PDE4C: variants seen among roughly 807,000 people sequenced by gnomAD.
The protein encoded by PDE4C is phosphodiesterase 4C, also known as 3',5'-cyclic-AMP phosphodiesterase 4C.
A neutral mutation model predicts 63.9 loss-of-function variants in PDE4C; 50 were observed. The observed-to-expected ratio is 0.78, with a 90% CI of 0.62 to 0.99. The LOEUF (loss-of-function observed/expected upper bound fraction) is 0.99. Among genes scored for constraint, PDE4C ranks in the 50% least tolerant of loss-of-function variants. The pLI is 0.00. For missense variants in PDE4C, 777 were observed against 899.1 expected, an observed-to-expected ratio of 0.86 and a Z score of 1.74; for synonymous variants, 377 against 385.1, an observed-to-expected ratio of 0.98 and a Z score of 0.25.
intron 1 of PDE4C, among the ~76,000 whole-genome samples, chr19:18,222,691 CTTTCT>C (rs1378362601): frequency 1.1e-5 from 1 of 91,758 alleles, no homozygotes; most frequent in African/African-American, 3.8e-5. Flanking sequence ...CTCTCTCGCC[CTTTCT>C]TTTCTTTTTT....
At chr19:18,222,102 G>A (rs756388957) in intron 2 of PDE4C, 30 bp downstream of exon 2, 11 of 1,570,074 alleles carry the variant, frequency 7.0e-6, no homozygotes, top group Non-Finnish European at 9.6e-6. Context: ...GAGGGTAGAG[G>A]CGGTGTCATC....
upstream of PDE4C, among the ~76,000 whole-genome samples, chr19:18,248,678 G>T (rs536835409): frequency 1.5e-4 from 23 of 152,182 alleles, no homozygotes; most frequent in African/African-American, 5.3e-4. Context: ...GAGCTTGGGG[G>T]CTCCAGGAAA....
chr19:18,220,567 C>A lies in PDE4C; in HGVS notation c.500-52G>T. 4.0e-6 allele frequency: 6 copies of A among 1,493,770 alleles called. No homozygotes were observed. The highest frequency in any genetic ancestry group is 5.5e-6 in the Non-Finnish European group (6 of 1,081,814). The allele number at this position is 1,493,770 out of a possible 1,614,324, so 92.5% of individuals were successfully genotyped here. On this transcript the variant is annotated intron_variant, in intron 5 of 14. Transcript: ENST00000262805. This position sits in a 1 kb window ranked among gnomAD's most constrained non-coding sequence, Gnocchi z 5.1. The stretch of plus-strand genomic sequence containing the variant: ...GCCCAACCCCCCCGCTCAGGGACCC[C>A]ACGCCTCTCGCGACTTCGTCTCTTC...
chr19:18,231,543 G>A (rs1036814686), intron 1 of PDE4C, among the ~76,000 whole-genome samples: 10 of 152,190 alleles, frequency 6.6e-5, no homozygotes, highest in East Asian at 1.9e-4. Flanking sequence ...GGCTGCTGGA[G>A]GGCCAGGCTG....
At chr19:18,241,327 C>T (rs1200851289) in intron 1 of PDE4C, among the ~76,000 whole-genome samples, 2 of 129,468 alleles carry the variant, frequency 1.5e-5, no homozygotes, top group African/African-American at 6.0e-5. Flanking sequence ...AGTGCAGTGG[C>T]GCGATCTCGG....
rs1276869946 is a variant in PDE4C at position 18,233,538 on chromosome 19, G to A, written c.-347C>T. ...GCTGCATGGAAAAGAACCAAGACAA[G>A]GACTTGGAGTGGAGAAGACAGAAAT... On this transcript the variant is annotated 5_prime_UTR_variant, in exon 1 of 15. Transcript: ENST00000594465. The A allele has an allele frequency of 7.2e-6, 4 of 555,896 alleles. No individual in the cohort carries two copies. The East Asian group carries it at 1.3e-4, about 18-fold the overall frequency. The allele number at this position is 555,896 out of a possible 1,614,324, so 34.4% of individuals were successfully genotyped here.
At chr19:18,248,602 G>A (rs1426605104), upstream of PDE4C, among the ~76,000 whole-genome samples, 1 of 151,808 alleles carries the variant, frequency 6.6e-6, no homozygotes, top group Non-Finnish European at 1.5e-5. Flanking sequence ...TGGGAAGGGG[G>A]GGATTTTATC....
chr19:18,213,300 C>T, intron 13 of PDE4C, 68 bp downstream of exon 13: 1 of 1,353,464 alleles, frequency 7.4e-7, no homozygotes, highest in East Asian at 2.7e-5. Context: ...TAAATAAATA[C>T]ATAAATAAAT....
chr19:18,232,678 C>T (rs1968873656), intron 1 of PDE4C, among the ~76,000 whole-genome samples: 1 of 146,520 alleles, frequency 6.8e-6, no homozygotes, highest in Non-Finnish European at 1.5e-5. Flanking sequence ...TCTGGTCACC[C>T]CAGTCTCACG....
At chr19:18,249,700 G>A (rs546058692), upstream of PDE4C, among the ~76,000 whole-genome samples, 1 of 151,388 alleles carries the variant, frequency 6.6e-6, no homozygotes, top group South Asian at 2.1e-4. Flanking sequence ...AGCCTCCTGA[G>A]TAGCTGGGAT....
chr19:18,228,221 C>T (rs1968782799), upstream of PDE4C, among the ~76,000 whole-genome samples: 1 of 151,876 alleles, frequency 6.6e-6, no homozygotes, highest in African/African-American at 2.4e-5. Context: ...TACATGTCCC[C>T]AAGGAGAAAC....
chr19:18,219,296 G>C (rs372274542), exon 8 of PDE4C: 4 of 1,614,088 alleles, frequency 2.5e-6, no homozygotes, highest in Non-Finnish European at 3.4e-6. Flanking sequence ...GCTGAGGAGA[G>C]GCTGGCACTG....
intron 14 of PDE4C, 140 bp downstream of exon 14, chr19:18,211,619 T>A (rs1967944152): frequency 1.2e-5 from 11 of 881,124 alleles, no homozygotes; most frequent in Middle Eastern, 2.3e-4. Context: ...GGATCCCAGG[T>A]CTAACTCGGC....
rs1257026814 is a variant in PDE4C, at chr19:18,220,994, C to T, written c.450-71G>A. ...CCGCCCCCAAGTCCACCAGGCCCCG[C>T]CCCTCAAACCCACCTGGAGGCGCCG... is the stretch of plus-strand genomic sequence containing the variant. On this transcript the variant is annotated intron_variant, in intron 4 of 14. Coordinates refer to ENST00000262805, the Ensembl canonical transcript of PDE4C. This position sits in a 1 kb window ranked among gnomAD's most constrained non-coding sequence, Gnocchi z 5.1. 6 of 1,550,644 alleles carry T rather than the reference C, an allele frequency of 3.9e-6. No individual in the cohort carries two copies. The highest frequency in any genetic ancestry group is 2.7e-5 in the African/African-American group (2 of 73,846).
intron 1 of PDE4C, among the ~76,000 whole-genome samples, chr19:18,242,155 T>C (rs896427668): frequency 1.4e-4 from 21 of 151,684 alleles, no homozygotes; most frequent in African/African-American, 5.1e-4. Context: ...GGCCCGGAGG[T>C]GGCAACAAGT....
At chr19:18,236,056 C>A (rs1280427689), upstream of PDE4C, among the ~76,000 whole-genome samples, 1 of 151,864 alleles carries the variant, frequency 6.6e-6, no homozygotes, top group Non-Finnish European at 1.5e-5. Flanking sequence ...CATTCTCCTG[C>A]CTCAGCCTCC....
Position 18,213,351 on chromosome 19 carries a change from C to A in PDE4C, c.1512+17G>T. ...AAAATTTAAAAAGGAAGCCCCAGTGCCCATCCAGCTACACACCTGGATTCG... is the reference window on the plus strand; with the variant it reads ...AAAATTTAAAAAGGAAGCCCCAGTGACCATCCAGCTACACACCTGGATTCG... On this transcript the variant is annotated intron_variant, in intron 13 of 14. Coordinates refer to ENST00000262805, the Ensembl canonical transcript of PDE4C. 1.9e-6 allele frequency: 3 copies of A among 1,605,780 alleles called. No individual in the cohort carries two copies. The highest frequency in any genetic ancestry group is 2.6e-6 in the Non-Finnish European group (3 of 1,175,546).
exon 12 of PDE4C, chr19:18,216,869 C>A: frequency 2.5e-6 from 4 of 1,613,818 alleles, no homozygotes; most frequent in Non-Finnish European, 3.4e-6. Flanking sequence ...ACCGAGGCGT[C>A]GTTGTACATA....
chr19:18,212,618 G>A, intron 13 of PDE4C, among the ~76,000 whole-genome samples: 1 of 151,968 alleles, frequency 6.6e-6, no homozygotes, highest in Non-Finnish European at 1.5e-5. Context: ...GGGATTACAG[G>A]CATGAGCCAC....
Sources: allele counts gnomAD v4.1 joint callset (sites outside exome capture counted in the v4.1 genomes callset), GRCh38; gene constraint gnomAD v4.1.1; non-coding constraint Gnocchi (gnomAD v3.1); transcripts MANE v1.5; gene names NCBI Gene and HGNC (gene_info 2026-07-23, HGNC 2026-07-21).